CHCHD3: variants seen among roughly 807,000 people sequenced by gnomAD.
The protein encoded by CHCHD3 is coiled-coil-helix-coiled-coil-helix domain containing 3.
Under a neutral mutation model 38.2 loss-of-function variants are expected in CHCHD3, and 20 were observed. The ratio of observed to expected loss-of-function variants is 0.52; its 90% CI spans 0.37 to 0.76. The LOEUF (loss-of-function observed/expected upper bound fraction) is 0.76, where lower values mean the gene tolerates loss of function less well. Ranked by LOEUF, CHCHD3 falls within the 30% of genes least tolerant of loss-of-function variation. The pLI, the probability that CHCHD3 is intolerant of heterozygous loss-of-function variation, is 0.00. For synonymous variants in CHCHD3, 82 were observed against 100.0 expected (o/e 0.82, Z 1.07); for missense variants, 245 against 279.2 (o/e 0.88, Z 0.87).
chr7:132,916,873 GCCTGGCTACTATC>G (rs1180347752), intron 4 of CHCHD3, among the ~76,000 whole-genome samples: 11 of 152,174 alleles, frequency 7.2e-5, no homozygotes, highest in Middle Eastern at 6.3e-3. Flanking sequence ...GAACCACCAT[GCCTGGCTACTATC>G]CCTAATTTAT....
chr7:132,872,442 G>C (rs534601953), intron 5 of CHCHD3, among the ~76,000 whole-genome samples: 1 of 152,116 alleles, frequency 6.6e-6, no homozygotes, highest in Admixed American at 6.5e-5. Flanking sequence ...ATTTGGCTTC[G>C]CTTGTGACTT....
intron 4 of CHCHD3, among the ~76,000 whole-genome samples, chr7:132,914,468 T>A (rs1456821503): frequency 6.6e-6 from 1 of 152,222 alleles, no homozygotes; most frequent in Non-Finnish European, 1.5e-5. Context: ...AAGTGGCCCA[T>A]AATTAGTACT....
In CHCHD3 at chr7:133,035,175, T is replaced by C. The variant is rs2060861568; in HGVS notation, c.170-10548A>G. ...AGGGGCAGCCGCCTTTTTCTCCTCC[T>C]TCCGCTCAGCCTGGGGCTTCTGCTT... On this transcript the variant is annotated intron_variant, in intron 2 of 7. Coordinates refer to ENST00000262570, the MANE Select transcript of CHCHD3 (RefSeq NM_017812.4). This position sits in a 1 kb window ranked among gnomAD's most constrained non-coding sequence, Gnocchi z 4.7. 2.5e-6 allele frequency: 4 copies of C among 1,613,626 alleles called. No homozygotes were observed. Among genetic ancestry groups the C allele is most frequent in the Admixed American group, 3.3e-5 (2 of 59,992 alleles).
intron 4 of CHCHD3, among the ~76,000 whole-genome samples, chr7:132,953,343 G>C (rs1811078203): frequency 6.6e-6 from 1 of 152,094 alleles, no homozygotes. Context: ...CCACAACGAG[G>C]CTCCTATGTC....
intron 6 of CHCHD3, among the ~76,000 whole-genome samples, chr7:132,817,098 G>C (rs1460109476): frequency 1.3e-5 from 2 of 152,120 alleles, no homozygotes; most frequent in African/African-American, 2.4e-5. Context: ...TACACGTGCT[G>C]GTCTGTAACC....
intron 4 of CHCHD3, among the ~76,000 whole-genome samples, chr7:132,903,298 TA>T (rs1809715046): frequency 6.6e-6 from 1 of 152,176 alleles, no homozygotes; most frequent in Non-Finnish European, 1.5e-5. Context: ...ATCCTGTATT[TA>T]TTTTTTATTT....
chr7:132,984,214 C>T (rs1299914380), intron 3 of CHCHD3, among the ~76,000 whole-genome samples: 2 of 151,588 alleles, frequency 1.3e-5, no homozygotes, highest in African/African-American at 4.8e-5. Flanking sequence ...AGGCGCACGG[C>T]GCCACGCCTG....
At chr7:132,918,214 G>A (rs530551589) in intron 4 of CHCHD3, among the ~76,000 whole-genome samples, 4 of 152,264 alleles carry the variant, frequency 2.6e-5, no homozygotes, top group South Asian at 4.1e-4. Flanking sequence ...CTGCTGGCAG[G>A]GGGATGATAT....
chr7:132,981,147 G>C (rs1811907256), intron 3 of CHCHD3, among the ~76,000 whole-genome samples: 1 of 151,654 alleles, frequency 6.6e-6, no homozygotes, highest in African/African-American at 2.4e-5. Context: ...CACCAAGCCT[G>C]GCTGATTTTT....
At chr7:132,992,184 CCAGCAGCAGCAGCACTTGCTCCTG>C (rs1554398524) in intron 3 of CHCHD3, among the ~76,000 whole-genome samples, 1 of 152,172 alleles carries the variant, frequency 6.6e-6, no homozygotes, top group African/African-American at 2.4e-5. Context: ...TCACTGCTTC[CCAGCAGCAGCAGCACTTGCTCCTG>C]CAGCAGCAGC....
At chr7:133,025,597 T>C (rs562911696) in intron 2 of CHCHD3, among the ~76,000 whole-genome samples, 2 of 152,318 alleles carry the variant, frequency 1.3e-5, no homozygotes, top group Admixed American at 6.5e-5. Flanking sequence ...CTCCGCCTCC[T>C]GGGTTCAAGC....
intron 6 of CHCHD3, among the ~76,000 whole-genome samples, chr7:132,822,810 G>A (rs548478989): frequency 2.0e-5 from 3 of 149,636 alleles, no homozygotes; most frequent in East Asian, 2.0e-4. Flanking sequence ...CCCCCACCGC[G>A]CCCCCCACCA....
chr7:132,969,157 TG>T (rs1288676352), intron 4 of CHCHD3, among the ~76,000 whole-genome samples: 1 of 135,560 alleles, frequency 7.4e-6, no homozygotes. Flanking sequence ...TTTTTTACTG[TG>T]TTTTTTTTTT....
At chr7:132,838,688 C>T (rs188898458) in intron 5 of CHCHD3, among the ~76,000 whole-genome samples, 11 of 152,248 alleles carry the variant, frequency 7.2e-5, no homozygotes, top group Admixed American at 5.9e-4. Context: ...ACAGAGTAAA[C>T]GTTCACAGTT....
intron 5 of CHCHD3, among the ~76,000 whole-genome samples, chr7:132,873,731 G>C (rs1477588216): frequency 6.6e-6 from 1 of 151,550 alleles, no homozygotes; most frequent in Non-Finnish European, 1.5e-5. Flanking sequence ...ATTCTATTTA[G>C]GTTAAAGATT....
intron 3 of CHCHD3, among the ~76,000 whole-genome samples, chr7:132,990,951 T>TATACAC (rs1554398386): frequency 7.0e-6 from 1 of 143,692 alleles, no homozygotes; most frequent in Non-Finnish European, 1.5e-5. Flanking sequence ...CAGACACACA[T>TATACAC]ACACACACAC....
At chr7:132,983,948 C>T (rs1413312010) in intron 3 of CHCHD3, among the ~76,000 whole-genome samples, 1 of 151,186 alleles carries the variant, frequency 6.6e-6, no homozygotes, top group Non-Finnish European at 1.5e-5. Context: ...ATTGAAAATA[C>T]AACTTCTCGG....
At chr7:132,882,421 C>T (rs1416772736) in intron 5 of CHCHD3, among the ~76,000 whole-genome samples, 1 of 151,268 alleles carries the variant, frequency 6.6e-6, no homozygotes, top group Non-Finnish European at 1.5e-5. Flanking sequence ...GTAGGATGAC[C>T]ACTTCCCAGG....
chr7:132,869,416 T>G (rs1808712316), intron 5 of CHCHD3, among the ~76,000 whole-genome samples: 2 of 152,134 alleles, frequency 1.3e-5, no homozygotes, highest in South Asian at 4.1e-4. Flanking sequence ...TCCCACTCAT[T>G]AGCTAGGGTG....
Sources: allele counts gnomAD v4.1 joint callset (sites outside exome capture counted in the v4.1 genomes callset), GRCh38; gene constraint gnomAD v4.1.1; non-coding constraint Gnocchi (gnomAD v3.1); transcripts MANE v1.5; gene names NCBI Gene and HGNC (gene_info 2026-07-23, HGNC 2026-07-21).